ST6GALNAC5: variants seen among roughly 807,000 people sequenced by gnomAD.
The protein encoded by ST6GALNAC5 is ST6 N-acetylgalactosaminide alpha-2,6-sialyltransferase 5, also known as alpha-N-acetylgalactosaminide alpha-2,6-sialyltransferase 5.
Under a neutral mutation model 33.6 loss-of-function variants are expected in ST6GALNAC5, and 27 were observed. The ratio of observed to expected loss-of-function variants is 0.80; its 90% CI spans 0.59 to 1.11. The LOEUF is 1.11. Ranked by LOEUF, ST6GALNAC5 falls within the 50% of genes least tolerant of loss-of-function variation. The probability of loss-of-function intolerance (pLI) is 0.00; values close to 1 mark genes in which losing one functional copy is unlikely to be tolerated. For missense variants in ST6GALNAC5, 428 were observed against 454.0 expected (o/e 0.94, Z 0.52); for synonymous variants, 194 against 171.2 (o/e 1.13, Z -1.04).
chr1:77,055,196 G>A (rs1652350591), intron 4 of ST6GALNAC5, among the ~76,000 whole-genome samples: 2 of 152,014 alleles, frequency 1.3e-5, no homozygotes, highest in Non-Finnish European at 2.9e-5. Context: ...AGACCTTCAG[G>A]ATAGGGCTTC....
In ST6GALNAC5 at chr1:77,066,071, G is replaced by A. The variant is rs1195892143; in HGVS notation, c.*2865G>A. Among the ~76,000 whole-genome samples, 5 of 152,122 alleles carry A rather than the reference G, an allele frequency of 3.3e-5. No individual in the cohort carries two copies. The highest frequency in any genetic ancestry group is 7.4e-5 in the Non-Finnish European group (5 of 68,022). On this transcript the variant is annotated 3_prime_UTR_variant, in exon 5 of 5. Coordinates refer to ENST00000477717, the MANE Select transcript of ST6GALNAC5 (RefSeq NM_030965.3). ...GAAAGCATACATTAAAAGAACATTA[G>A]GAGGTAAATATTCAGCATGCTGCAT...
chr1:77,050,371 A>T lies in ST6GALNAC5; in HGVS notation c.779+6A>T, dbSNP rs766508483. ...GTGCCCCCAGACTTCTGCAGGTAGG[A>T]TTTATTCTGCAAGTGTAAATCATCA... is the stretch of plus-strand genomic sequence containing the variant. On this transcript the variant is annotated splice_donor_region_variant and intron_variant, in intron 4 of 4. Transcript: ENST00000477717. 7.4e-6 allele frequency: 12 copies of T among 1,612,390 alleles called. No homozygotes were observed. Among genetic ancestry groups the T allele is most frequent in the Non-Finnish European group, 1.0e-5 (12 of 1,178,458 alleles).
At chr1:76,932,889 G>A (rs979622837) in intron 2 of ST6GALNAC5, among the ~76,000 whole-genome samples, 1 of 152,074 alleles carries the variant, frequency 6.6e-6, no homozygotes, top group Non-Finnish European at 1.5e-5. Context: ...GCAATGGGGT[G>A]TGGCATGCCC....
At chr1:76,942,169 G>A (rs548057377) in intron 2 of ST6GALNAC5, among the ~76,000 whole-genome samples, 1 of 152,198 alleles carries the variant, frequency 6.6e-6, no homozygotes, top group African/African-American at 2.4e-5. Flanking sequence ...CTCTTCTCAT[G>A]TACATGGTGG....
intron 2 of ST6GALNAC5, among the ~76,000 whole-genome samples, chr1:76,892,296 GT>G (rs1305039556): frequency 6.6e-6 from 1 of 152,112 alleles, no homozygotes; most frequent in Non-Finnish European, 1.5e-5. Context: ...TCTTGATGTT[GT>G]TTCAAAAGGT....
intron 2 of ST6GALNAC5, among the ~76,000 whole-genome samples, chr1:76,939,840 AAT>A: frequency 6.6e-6 from 1 of 152,146 alleles, no homozygotes; most frequent in East Asian, 1.9e-4. Flanking sequence ...TAGTCCAGCA[AAT>A]ATGAGACTCC....
intron 2 of ST6GALNAC5, among the ~76,000 whole-genome samples, chr1:76,909,954 A>C (rs1646895261): frequency 2.0e-5 from 3 of 152,078 alleles, no homozygotes; most frequent in Admixed American, 6.6e-5. Context: ...AACAATAAGA[A>C]AACACCAAGG....
chr1:76,881,327 G>A (rs1653774865), intron 2 of ST6GALNAC5, among the ~76,000 whole-genome samples: 1 of 152,108 alleles, frequency 6.6e-6, no homozygotes, highest in East Asian at 1.9e-4. Flanking sequence ...TATATTTATT[G>A]CCTGTTCTAT....
At chr1:76,912,774 T>C (rs1433241892) in intron 2 of ST6GALNAC5, among the ~76,000 whole-genome samples, 4 of 152,180 alleles carry the variant, frequency 2.6e-5, no homozygotes, top group Admixed American at 6.6e-5. Flanking sequence ...TTCCATTTGC[T>C]GGTAGATCTT....
chr1:77,031,146 C>T lies in ST6GALNAC5; in HGVS notation c.262-13058C>T, dbSNP rs553453448. Among the ~76,000 whole-genome samples, 87 of 152,356 alleles carry T rather than the reference C, an allele frequency of 5.7e-4. 1 individual carries two copies. In the South Asian group the frequency reaches 0.018, roughly 31 times the overall value. Reference sequence around the variant, plus strand: ...TGGCAAAGTCCCTCCCCAGTGGGTACATCACAGCTAATGTCCATCAATGAT... The same window carrying T: ...TGGCAAAGTCCCTCCCCAGTGGGTATATCACAGCTAATGTCCATCAATGAT... On this transcript the variant is annotated intron_variant, in intron 2 of 4. Transcript: ENST00000477717.
chr1:76,984,416 A>G (rs1570737491), intron 2 of ST6GALNAC5, among the ~76,000 whole-genome samples: 1 of 152,256 alleles, frequency 6.6e-6, no homozygotes, highest in African/African-American at 2.4e-5. Context: ...AAAGTCTAGA[A>G]GAAATGGATA....
At chr1:76,949,853 T>C (rs1223058029) in intron 2 of ST6GALNAC5, among the ~76,000 whole-genome samples, 1 of 152,118 alleles carries the variant, frequency 6.6e-6, no homozygotes, top group African/African-American at 2.4e-5. Flanking sequence ...CCTTTTTTAG[T>C]CAGTGCAGCT....
chr1:76,988,943 A>C (rs1649616059), intron 2 of ST6GALNAC5, among the ~76,000 whole-genome samples: 1 of 152,180 alleles, frequency 6.6e-6, no homozygotes, highest in African/African-American at 2.4e-5. Flanking sequence ...TACTTCAAGA[A>C]GAGTTTGCAT....
intron 2 of ST6GALNAC5, among the ~76,000 whole-genome samples, chr1:76,984,819 G>T (rs575181397): frequency 1.3e-5 from 2 of 152,146 alleles, no homozygotes; most frequent in South Asian, 2.1e-4. Context: ...TATGCACTAC[G>T]ATCAAGTCAG....
chr1:76,976,808 A>G (rs951219780), intron 2 of ST6GALNAC5, among the ~76,000 whole-genome samples: 8 of 152,036 alleles, frequency 5.3e-5, no homozygotes, highest in Admixed American at 2.0e-4. Flanking sequence ...TCCTTGATTA[A>G]TGAAACTAAC....
At chr1:77,036,531 G>T (rs1651652750) in intron 2 of ST6GALNAC5, among the ~76,000 whole-genome samples, 3 of 152,186 alleles carry the variant, frequency 2.0e-5, no homozygotes, top group South Asian at 4.1e-4. Flanking sequence ...TGCTGAAGGT[G>T]GTTATGACAT....
At chr1:76,886,664 C>A (rs952968087) in intron 2 of ST6GALNAC5, among the ~76,000 whole-genome samples, 1 of 152,254 alleles carries the variant, frequency 6.6e-6, no homozygotes, top group Admixed American at 6.5e-5. Context: ...TTTGTCATCA[C>A]CCCAAACGGA....
At chr1:77,001,909 T>C (rs989699370) in intron 2 of ST6GALNAC5, among the ~76,000 whole-genome samples, 4 of 152,112 alleles carry the variant, frequency 2.6e-5, no homozygotes, top group African/African-American at 9.7e-5. Context: ...TTATTGAGGA[T>C]TTTTGCATCA....
chr1:77,000,993 A>C (rs1335937162), intron 2 of ST6GALNAC5, among the ~76,000 whole-genome samples: 1 of 151,032 alleles, frequency 6.6e-6, no homozygotes, highest in Admixed American at 6.6e-5. Context: ...TTGGTTCCAT[A>C]TGAACTTTAA....
Sources: allele counts gnomAD v4.1 joint callset (sites outside exome capture counted in the v4.1 genomes callset), GRCh38; gene constraint gnomAD v4.1.1; transcripts MANE v1.5; gene names NCBI Gene and HGNC (gene_info 2026-07-23, HGNC 2026-07-21).